KCNK9: variants seen among roughly 807,000 people sequenced by gnomAD.
The protein encoded by KCNK9 is potassium two pore domain channel subfamily K member 9.
KCNK9 carries 1 observed loss-of-function variant against 10.8 expected under a neutral mutation model. The ratio of observed to expected loss-of-function variants is 0.09; its 90% CI spans 0.03 to 0.44. The LOEUF (loss-of-function observed/expected upper bound fraction) is 0.44, where lower values mean the gene tolerates loss of function less well. Among genes scored for constraint, KCNK9 ranks in the 20% least tolerant of loss-of-function variants. KCNK9 has a pLI of 0.97. For synonymous variants in KCNK9, 231 were observed against 222.7 expected (o/e 1.04, Z -0.33); for missense variants, 303 against 515.0 (o/e 0.59, Z 3.98).
chr8:139,695,562 A>T (rs757367517), intron 1 of KCNK9, among the ~76,000 whole-genome samples: 10 of 152,260 alleles, frequency 6.6e-5, no homozygotes, highest in African/African-American at 1.2e-4. Context: ...CCAGGTGGGG[A>T]TGGGCAGGAA....
chr8:139,679,808 C>T (rs967409411), intron 1 of KCNK9, among the ~76,000 whole-genome samples: 4 of 152,194 alleles, frequency 2.6e-5, no homozygotes, highest in Non-Finnish European at 5.9e-5. Flanking sequence ...GCAATAAGCA[C>T]GTGTTTATGT....
intron 1 of KCNK9, among the ~76,000 whole-genome samples, chr8:139,685,252 A>C (rs1482269808): frequency 6.6e-6 from 1 of 152,184 alleles, no homozygotes; most frequent in Non-Finnish European, 1.5e-5. Flanking sequence ...CACTTGAAAC[A>C]CATTAGCTAT....
Position 139,702,787 on chromosome 8 carries a change from G to C in KCNK9, c.206C>G (p.Ser69Trp), listed in dbSNP as rs1393280339. ...YRQLELVILQ[S>W]EPHRAGVQWK... ...CTGGACGCCGGCGCGGTGCGGTTCC[G>C]ACTGCAGGATCACCAGCTCCAGCTG... The change falls in exon 1 of 2, where the codon TCG becomes TGG. Residue 69 changes from serine to tryptophan, a missense_variant. By Grantham distance (177) the Ser-to-Trp change is radical (BLOSUM62 -3). Coordinates refer to ENST00000520439, the MANE Select transcript of KCNK9 (RefSeq NM_001282534.2). This position sits in a 1 kb window ranked among gnomAD's most constrained non-coding sequence, Gnocchi z 7.5. The C allele has an allele frequency of 6.2e-7, 1 of 1,613,704 alleles. No individual in the cohort carries two copies. The highest frequency in any genetic ancestry group is 8.5e-7 in the Non-Finnish European group (1 of 1,179,928).
At chr8:139,687,037 G>A (rs751521240) in intron 1 of KCNK9, among the ~76,000 whole-genome samples, 1 of 151,950 alleles carries the variant, frequency 6.6e-6, no homozygotes, top group African/African-American at 2.4e-5. Flanking sequence ...AACAATAAAA[G>A]CAAAAAATCA....
intron 1 of KCNK9, among the ~76,000 whole-genome samples, chr8:139,654,363 T>C (rs1017332508): frequency 6.6e-6 from 1 of 152,198 alleles, no homozygotes; most frequent in Non-Finnish European, 1.5e-5. Context: ...GACGCTGGCC[T>C]CGGAGCGCGG....
In KCNK9 at chr8:139,664,055, C is replaced by T. The variant is rs185250751; in HGVS notation, c.283+38655G>A. Among the ~76,000 whole-genome samples, 36 of 152,252 alleles carry T rather than the reference C, an allele frequency of 2.4e-4. No homozygotes were observed. The East Asian group carries it at 3.3e-3, about 14-fold the overall frequency. On this transcript the variant is annotated intron_variant, in intron 1 of 1. Transcript: ENST00000520439. Reference sequence around the variant, plus strand: ...CAGAGGAGGAAACGGGAGCAGGGACCGATCAAGCCGCCTGCCCAAGGCCAT... The same window carrying T: ...CAGAGGAGGAAACGGGAGCAGGGACTGATCAAGCCGCCTGCCCAAGGCCAT...
intron 1 of KCNK9, among the ~76,000 whole-genome samples, chr8:139,654,078 T>C (rs1049828882): frequency 1.3e-5 from 2 of 152,178 alleles, no homozygotes; most frequent in Non-Finnish European, 2.9e-5. Flanking sequence ...GTCAAGTCAA[T>C]TGCCCCAGGA....
At chr8:139,656,048 C>T (rs1418145619) in intron 1 of KCNK9, among the ~76,000 whole-genome samples, 1 of 152,190 alleles carries the variant, frequency 6.6e-6, no homozygotes, top group Non-Finnish European at 1.5e-5. Context: ...AGCCATGAAG[C>T]TCCGGGACAT....
chr8:139,662,013 C>T (rs1381614348), intron 1 of KCNK9, among the ~76,000 whole-genome samples: 2 of 152,198 alleles, frequency 1.3e-5, no homozygotes, highest in East Asian at 1.9e-4. Flanking sequence ...GGGCTCAGGT[C>T]AGGATGGTGC....
intron 1 of KCNK9, among the ~76,000 whole-genome samples, chr8:139,635,858 T>C (rs2129638416): frequency 6.6e-6 from 1 of 152,262 alleles, no homozygotes; most frequent in East Asian, 1.9e-4. Flanking sequence ...GGTATAGAAG[T>C]AATAACAGAG....
rs573529943 is a variant in KCNK9, at chr8:139,692,202, G to A, written c.283+10508C>T. 3.3e-5 allele frequency among the ~76,000 whole-genome samples: 5 copies of A among 152,304 alleles called. No homozygotes were observed. In the South Asian group the frequency reaches 1.0e-3, roughly 32 times the overall value. On this transcript the variant is annotated intron_variant, in intron 1 of 1. Coordinates refer to ENST00000520439, the MANE Select transcript of KCNK9 (RefSeq NM_001282534.2). ...CTGTCAGCCCGTCTGCCTGCCCCAC[G>A]CTTCGCAACCAAGAAAGACAAAACG... is the stretch of plus-strand genomic sequence containing the variant.
chr8:139,660,445 AAAAAATATATATATAT>A (rs1292342190), intron 1 of KCNK9, among the ~76,000 whole-genome samples: 4 of 126,874 alleles, frequency 3.2e-5, no homozygotes, highest in Non-Finnish European at 4.6e-5. Flanking sequence ...CTCTGCTAAA[AAAAAATATATATATAT>A]ATATATATAT....
Position 139,617,469 on chromosome 8 carries a change from CT to C in KCNK9, c.*788del, listed in dbSNP as rs1215798605. ...GCATACCAGTTTAACAAAGTGCATG[CT>C]TTTTAAAAAATGTCTGAACTGGCAA... On this transcript the variant is annotated 3_prime_UTR_variant, in exon 2 of 2. Transcript: ENST00000520439. Among the ~76,000 whole-genome samples, 1 of 152,158 alleles carries C rather than the reference CT, an allele frequency of 6.6e-6. No individual in the cohort carries two copies. Among genetic ancestry groups the C allele is most frequent in the African/African-American group, 2.4e-5 (1 of 41,412 alleles).
intron 2 of KCNK9, among the ~76,000 whole-genome samples, chr8:139,602,280 G>A (rs1817389888): frequency 6.6e-6 from 1 of 152,250 alleles, no homozygotes. Flanking sequence ...AGGCATGCAG[G>A]ATGGGTTGGT....
chr8:139,680,036 G>A (rs1816652219), intron 1 of KCNK9, among the ~76,000 whole-genome samples: 1 of 152,214 alleles, frequency 6.6e-6, no homozygotes, highest in South Asian at 2.1e-4. Flanking sequence ...TGGGGACCAT[G>A]GCTCCCACCC....
At chr8:139,671,510 TC>T (rs1478763810) in intron 1 of KCNK9, among the ~76,000 whole-genome samples, 2 of 122,874 alleles carry the variant, frequency 1.6e-5, no homozygotes, top group Non-Finnish European at 3.4e-5. Context: ...TTTTTTAGTT[TC>T]TTTTTTTTTT....
chr8:139,625,784 A>T (rs1202464284), intron 1 of KCNK9, among the ~76,000 whole-genome samples: 2 of 151,934 alleles, frequency 1.3e-5, no homozygotes, highest in African/African-American at 4.8e-5. Flanking sequence ...GGCAGAGGAC[A>T]AGGAAAATAA....
chr8:139,623,720 G>A (rs1814868599), intron 1 of KCNK9, among the ~76,000 whole-genome samples: 2 of 152,122 alleles, frequency 1.3e-5, no homozygotes, highest in Admixed American at 6.5e-5. Flanking sequence ...CACAGAGGTG[G>A]CAGAATCTCA....
intron 1 of KCNK9, among the ~76,000 whole-genome samples, chr8:139,655,412 C>T (rs954607152): frequency 2.6e-5 from 4 of 152,148 alleles, no homozygotes. Flanking sequence ...GGCTGGCTCT[C>T]TCCCATTCAA....
Sources: allele counts gnomAD v4.1 joint callset (sites outside exome capture counted in the v4.1 genomes callset), GRCh38; gene constraint gnomAD v4.1.1; non-coding constraint Gnocchi (gnomAD v3.1); transcripts MANE v1.5; gene names NCBI Gene and HGNC (gene_info 2026-07-23, HGNC 2026-07-21).